The following KANK1 variants were observed in gnomAD, a reference collection of about 807,000 sequenced individuals.
KANK1 encodes KN motif and ankyrin repeat domain-containing protein 1.
A neutral mutation model predicts 106.2 loss-of-function variants in KANK1; 109 were observed. The ratio of observed to expected loss-of-function variants is 1.03; its 90% CI spans 0.88 to 1.20. The LOEUF is 1.20. Among genes scored for constraint, KANK1 ranks in the 50% most tolerant of loss-of-function variants. The pLI, the probability that KANK1 is intolerant of heterozygous loss-of-function variation, is 0.00. For synonymous variants in KANK1, 873 were observed against 652.2 expected (o/e 1.34, Z -5.16); for missense variants, 2,399 against 1,710.7 (o/e 1.40, Z -7.10).
At chr9:675,757 C>G (rs1816285288) in intron 1 of KANK1, among the ~76,000 whole-genome samples, 1 of 152,076 alleles carries the variant, frequency 6.6e-6, no homozygotes, top group South Asian at 2.1e-4. Context: ...AAAGTAAAAG[C>G]AAGTTTATTA....
intron 1 of KANK1, among the ~76,000 whole-genome samples, chr9:609,056 T>G (rs929898269): frequency 6.6e-6 from 1 of 152,106 alleles, no homozygotes; most frequent in Non-Finnish European, 1.5e-5. Flanking sequence ...TTGAAAATCT[T>G]CATGTTCTCA....
At chr9:532,206 A>C (rs1026742715) in intron 1 of KANK1, among the ~76,000 whole-genome samples, 5 of 150,662 alleles carry the variant, frequency 3.3e-5, no homozygotes, top group African/African-American at 1.2e-4. Context: ...ATTCGTGTAC[A>C]GAGATTTAAA....
At chr9:697,076 C>CTGTGTG (rs3028272) in intron 2 of KANK1, among the ~76,000 whole-genome samples, 6 of 150,976 alleles carry the variant, frequency 4.0e-5, no homozygotes, top group South Asian at 2.1e-4. Context: ...TTTGTTCCAT[C>CTGTGTG]TGTGTGTGTG....
chr9:670,816 T>C (rs1269761335), intron 1 of KANK1, among the ~76,000 whole-genome samples: 2 of 152,124 alleles, frequency 1.3e-5, no homozygotes, highest in African/African-American at 4.8e-5. Context: ...AGGCAAGTTG[T>C]GTGTCCAACT....
upstream of KANK1, among the ~76,000 whole-genome samples, chr9:504,287 G>A (rs1241848199): frequency 2.0e-5 from 3 of 152,160 alleles, no homozygotes; most frequent in Non-Finnish European, 4.4e-5. Flanking sequence ...GTTGGCAGAA[G>A]GAGCGAACCG....
chr9:569,908 A>G (rs1379733645), intron 1 of KANK1, among the ~76,000 whole-genome samples: 2 of 151,908 alleles, frequency 1.3e-5, no homozygotes, highest in African/African-American at 4.8e-5. Context: ...CTCAACCTTC[A>G]TCAGATTCCG....
intron 1 of KANK1, among the ~76,000 whole-genome samples, chr9:670,882 G>T (rs10975696): frequency 6.7e-6 from 1 of 150,282 alleles, no homozygotes; most frequent in Non-Finnish European, 1.5e-5. Context: ...ACATGTGCTT[G>T]ATACCAAGCA....
intron 1 of KANK1, among the ~76,000 whole-genome samples, chr9:571,339 CAG>C (rs1819112965): frequency 6.6e-6 from 1 of 152,188 alleles, no homozygotes; most frequent in Non-Finnish European, 1.5e-5. Context: ...GCAGAAGTTA[CAG>C]AGTGTTCCTT....
At chr9:528,981 T>C (rs1309402331) in intron 1 of KANK1, among the ~76,000 whole-genome samples, 1 of 152,044 alleles carries the variant, frequency 6.6e-6, no homozygotes, top group Non-Finnish European at 1.5e-5. Context: ...TTATTTGTTG[T>C]AGAGATAGGG....
intron 3 of KANK1, among the ~76,000 whole-genome samples, chr9:720,960 TCTTAA>T (rs1829155225): frequency 6.6e-6 from 1 of 152,170 alleles, no homozygotes; most frequent in African/African-American, 2.4e-5. Flanking sequence ...GAGTCTAAAT[TCTTAA>T]TTTCAGTAGT....
chr9:704,674 T>C (rs1823539724), intron 2 of KANK1, among the ~76,000 whole-genome samples: 1 of 152,116 alleles, frequency 6.6e-6, no homozygotes, highest in Non-Finnish European at 1.5e-5. Flanking sequence ...AGACTTCTTG[T>C]AATATATTTT....
intron 1 of KANK1, among the ~76,000 whole-genome samples, chr9:672,235 T>G (rs1300586318): frequency 6.6e-6 from 1 of 152,210 alleles, no homozygotes; most frequent in Admixed American, 6.5e-5. Context: ...GCTTGTTTCT[T>G]ATGTATACAA....
In KANK1 at chr9:471,935, G is replaced by A. The variant is rs945597753; in HGVS notation, c.-442+1253G>A. Among the ~76,000 whole-genome samples the A allele has an allele frequency of 3.3e-5, 5 of 152,102 alleles. No individual in the cohort carries two copies. The South Asian group carries it at 8.3e-4, about 25-fold the overall frequency. ...CCAGGGACTGCGGCTGACTCCCCGAGCACAAGGACAGTAAGAATAAACCTC... is the reference window on the plus strand; with the variant it reads ...CCAGGGACTGCGGCTGACTCCCCGAACACAAGGACAGTAAGAATAAACCTC... On this transcript the variant is annotated intron_variant, in intron 2 of 15. Transcript: ENST00000382303.
At chr9:701,936 A>G (rs1358085937) in intron 2 of KANK1, among the ~76,000 whole-genome samples, 1 of 152,218 alleles carries the variant, frequency 6.6e-6, no homozygotes, top group African/African-American at 2.4e-5. Context: ...TTAATGCAGA[A>G]GAATTGCAAG....
chr9:670,943 G>C (rs1012390), intron 1 of KANK1, among the ~76,000 whole-genome samples: 6,062 of 132,980 alleles, frequency 0.046, 378 homozygotes, highest in East Asian at 0.23. Context: ...CTTACTGTCT[G>C]CTGGAGTTTT....
chr9:630,880 G>C (rs530313940), intron 1 of KANK1, among the ~76,000 whole-genome samples: 1 of 152,064 alleles, frequency 6.6e-6, no homozygotes, highest in Non-Finnish European at 1.5e-5. Flanking sequence ...ACTTGAACCC[G>C]GGATGTAGAG....
chr9:621,739 C>T (rs764648001), intron 1 of KANK1, among the ~76,000 whole-genome samples: 3 of 152,056 alleles, frequency 2.0e-5, no homozygotes, highest in East Asian at 1.9e-4. Flanking sequence ...CTACCACAAA[C>T]GCAGCTCAAA....
rs573604492 is a variant in KANK1 at position 596,219 on chromosome 9, T to C, written c.-83-80671T>C. On this transcript the variant is annotated intron_variant, in intron 1 of 11. Transcript: ENST00000382297. ...TCAAAAAGTGTTGGATTTTGGAGCA[T>C]TTCTATTTCAGATTTTTGGATTAAG... 3.3e-5 allele frequency among the ~76,000 whole-genome samples: 5 copies of C among 152,010 alleles called. No individual in the cohort carries two copies. In the South Asian group the frequency reaches 1.0e-3, roughly 31 times the overall value.
At chr9:522,479 G>C (rs1263493946) in intron 1 of KANK1, among the ~76,000 whole-genome samples, 1 of 151,454 alleles carries the variant, frequency 6.6e-6, no homozygotes, top group East Asian at 1.9e-4. Flanking sequence ...TGGCATACTG[G>C]GGGTACTCAG....
Sources: gnomAD v4.1 joint callset for allele counts (sites outside exome capture counted in the v4.1 genomes callset) on GRCh38, gnomAD v4.1.1 for gene constraint, MANE v1.5 for transcripts, NCBI Gene and HGNC (gene_info 2026-07-23, HGNC 2026-07-21) for gene names.